TRPM2: variants seen among roughly 807,000 people sequenced by gnomAD.
TRPM2 encodes transient receptor potential cation channel subfamily M member 2.
In TRPM2, 161 loss-of-function variants were observed where a neutral mutation model predicts 174.0. The ratio of observed to expected loss-of-function variants is 0.93; its 90% CI spans 0.81 to 1.05. The LOEUF is 1.05. Ranked by LOEUF, TRPM2 falls within the 50% of genes least tolerant of loss-of-function variation. TRPM2 has a pLI of 0.00. For missense variants in TRPM2, 2,057 were observed against 2,038.0 expected, an observed-to-expected ratio of 1.01 and a Z score of -0.18; for synonymous variants, 954 against 861.3, an observed-to-expected ratio of 1.11 and a Z score of -1.88.
chr21:44,353,763 C>A lies in TRPM2; in HGVS notation c.63C>A (p.Pro21=), dbSNP rs1161293345. ...SEQEEGFEGL[P]RRVTDLGMVS... is the part of the protein sequence containing the mutation. ...AGGAGGAGGGCTTTGAGGGGCTGCC[C>A]AGAAGGGTCACTGACCTGGGGATGG... Residue 21 remains proline, a synonymous_variant, in exon 1 of 32, where the codon CCC becomes CCA. Coordinates refer to ENST00000397928, the MANE Select transcript of TRPM2 (RefSeq NM_003307.4). The A allele has an allele frequency of 6.2e-7, 1 of 1,600,126 alleles. No homozygotes were observed. Among genetic ancestry groups the A allele is most frequent in the Admixed American group, 1.7e-5 (1 of 57,624 alleles).
At chr21:44,365,473 G>A (rs2048332813) in intron 3 of TRPM2, among the ~76,000 whole-genome samples, 1 of 152,232 alleles carries the variant, frequency 6.6e-6, no homozygotes, top group African/African-American at 2.4e-5. Flanking sequence ...GTGTCACCAT[G>A]ACACGTGGGT....
intron 12 of TRPM2, 116 bp from the exon 13 acceptor site, chr21:44,397,631 C>T: frequency 1.7e-6 from 2 of 1,164,448 alleles, no homozygotes; most frequent in South Asian, 4.5e-5. Flanking sequence ...CAGTGATTGC[C>T]CAGTGGCCCG....
At position 44,432,974 on chromosome 21, in the gene TRPM2, G is replaced by C. The variant is rs760423384; in HGVS notation, c.3975-2157G>C. On this transcript the variant is annotated intron_variant, in intron 27 of 31. Coordinates refer to ENST00000397928, the MANE Select transcript of TRPM2 (RefSeq NM_003307.4). This position sits in a 1 kb window ranked among gnomAD's most constrained non-coding sequence, Gnocchi z 4.9. ...ATGAGGGGTTGAGAACCATATGGAC[G>C]AGATCATGACCGGGGGATCAGAGAT... Among the ~76,000 whole-genome samples the C allele has an allele frequency of 6.6e-6, 1 of 152,128 alleles. No homozygotes were observed. The highest frequency in any genetic ancestry group is 1.5e-5 in the Non-Finnish European group (1 of 68,022).
intron 5 of TRPM2, 122 bp downstream of exon 5, chr21:44,369,465 G>C: frequency 3.4e-6 from 4 of 1,163,794 alleles, no homozygotes; most frequent in Non-Finnish European, 4.6e-6. Context: ...CTGACCGGGC[G>C]CTGTGGGGAG....
chr21:44,429,542 C>T (rs1051672420), intron 27 of TRPM2, among the ~76,000 whole-genome samples: 1 of 151,968 alleles, frequency 6.6e-6, no homozygotes, highest in African/African-American at 2.4e-5. Flanking sequence ...TCGCCTCAGC[C>T]TCCCAGAGTG....
intron 6 of TRPM2, among the ~76,000 whole-genome samples, chr21:44,377,113 G>C (rs780012582): frequency 3.3e-5 from 5 of 152,228 alleles, no homozygotes; most frequent in Non-Finnish European, 7.3e-5. Flanking sequence ...TAGGACATCT[G>C]GGGTGGGATG....
chr21:44,394,092 A>G (rs1178363564), intron 11 of TRPM2, among the ~76,000 whole-genome samples: 1 of 151,880 alleles, frequency 6.6e-6, no homozygotes, highest in Admixed American at 6.6e-5. Context: ...GCTGATCTGG[A>G]TCTCCTGACC....
chr21:44,354,887 T>C lies in TRPM2; in HGVS notation c.254+151T>C. 1.4e-6 allele frequency: 1 copy of C among 708,512 alleles called. No individual in the cohort carries two copies. Among genetic ancestry groups the C allele is most frequent in the Non-Finnish European group, 2.5e-6 (1 of 404,812 alleles). The allele number at this position is 708,512 out of a possible 1,614,324, so 43.9% of individuals were successfully genotyped here. ...ACGAGGCTTAGAGTCCACAGAGCAT[T>C]TCCACCTAACCCTTGCAAGCCTCCT... is the stretch of plus-strand genomic sequence containing the variant. On this transcript the variant is annotated intron_variant, in intron 2 of 31. Transcript: ENST00000397928. This position sits in a 1 kb window ranked among gnomAD's most constrained non-coding sequence, Gnocchi z 4.3.
chr21:44,361,704 T>C (rs1352130498), intron 2 of TRPM2, among the ~76,000 whole-genome samples: 2 of 152,118 alleles, frequency 1.3e-5, no homozygotes, highest in African/African-American at 4.8e-5. Context: ...ATTTTGATTA[T>C]TCATACTATT....
At chr21:44,434,000 C>A (rs1601254393) in intron 27 of TRPM2, among the ~76,000 whole-genome samples, 1 of 152,300 alleles carries the variant, frequency 6.6e-6, no homozygotes, top group East Asian at 1.9e-4. Flanking sequence ...GTAGCGCAGG[C>A]CTGGCTGGTG....
At chr21:44,426,101 T>G (rs1446340603) in intron 25 of TRPM2, among the ~76,000 whole-genome samples, 1 of 152,070 alleles carries the variant, frequency 6.6e-6, no homozygotes, top group Non-Finnish European at 1.5e-5. Flanking sequence ...CCCATGACCA[T>G]CCCAGGGCCC....
chr21:44,394,317 C>CTTTTTTTT (rs35448660), intron 11 of TRPM2, among the ~76,000 whole-genome samples: 4 of 112,688 alleles, frequency 3.5e-5, no homozygotes, highest in Non-Finnish European at 3.8e-5. Flanking sequence ...AAACACATTT[C>CTTTTTTTT]TTTTTTTTTT....
intron 24 of TRPM2, 42 bp downstream of exon 24, chr21:44,424,981 G>T (rs761295642): frequency 2.1e-5 from 33 of 1,539,452 alleles, no homozygotes; most frequent in Admixed American, 9.5e-5. Flanking sequence ...CCAGCCGCCT[G>T]TTTCTTTTGG....
intron 22 of TRPM2, among the ~76,000 whole-genome samples, chr21:44,421,853 G>C (rs1281585152): frequency 6.6e-6 from 1 of 152,198 alleles, no homozygotes; most frequent in Non-Finnish European, 1.5e-5. Context: ...GGGGTTCGAG[G>C]CTGCAGTGCG....
rs1390061217 is a variant in TRPM2, at chr21:44,418,100, A to C, written c.3320A>C (p.Lys1107Thr). 6.2e-7 allele frequency: 1 copy of C among 1,611,252 alleles called. No homozygotes were observed. The highest frequency in any genetic ancestry group is 1.7e-5 in the Admixed American group (1 of 59,966). Residue 1107 changes from lysine (K) to threonine (T), a missense_variant, in exon 21 of 32, where the codon AAG (lysine) becomes ACG (threonine). Coordinates refer to ENST00000397928, the MANE Select transcript of TRPM2 (RefSeq NM_003307.4). The part of the protein sequence containing the change: ...VVLKTPAKRH[K>T]QLKNKLEKNE... The stretch of plus-strand genomic sequence containing the variant: ...CTGAAGACTCCGGCCAAGAGGCACA[A>C]GCAGCTCAGTATGCCAGCCCCAGTG...
At chr21:44,377,808 GC>G in intron 7 of TRPM2, 35 bp downstream of exon 7, 1 of 1,611,224 alleles carries the variant, frequency 6.2e-7, no homozygotes, top group Non-Finnish European at 8.5e-7. Context: ...GCATGTGTGG[GC>G]CCGTCCTGCT....
chr21:44,436,998 C>G, intron 28 of TRPM2, 64 bp from the exon 29 acceptor site: 2 of 1,454,350 alleles, frequency 1.4e-6, no homozygotes, highest in Non-Finnish European at 9.3e-7. Flanking sequence ...CCAGCCCCGC[C>G]GCGGCGCAGG....
At position 44,406,755 on chromosome 21, in the gene TRPM2, C is replaced by T. The variant is rs139444096; in HGVS notation, c.2952C>T (p.Gly984=). Residue 984 remains glycine (G), a synonymous_variant, in exon 19 of 32, where the codon GGC becomes GGT. Transcript: ENST00000397928. ...TCACCATCTTCGGGCAGATCCCGGG[C>T]TACATCGACGGTAGGAGCCGGGCGC... ...SYLTIFGQIP[G]YIDGVNFNPE... is the part of the protein sequence containing the mutation. The T allele has an allele frequency of 3.1e-6, 5 of 1,603,574 alleles. No homozygotes were observed. The Admixed American group carries it at 8.6e-5, about 28-fold the overall frequency.
chr21:44,403,651 A>G (rs1569070853), intron 16 of TRPM2, among the ~76,000 whole-genome samples: 2 of 150,670 alleles, frequency 1.3e-5, no homozygotes, highest in Non-Finnish European at 2.9e-5. Context: ...ACATGCACAC[A>G]TGCACACACA....
Sources: allele counts gnomAD v4.1 joint callset (sites outside exome capture counted in the v4.1 genomes callset), GRCh38; gene constraint gnomAD v4.1.1; non-coding constraint Gnocchi (gnomAD v3.1); transcripts MANE v1.5; gene names NCBI Gene and HGNC (gene_info 2026-07-23, HGNC 2026-07-21).